The following FCHSD2 variants were observed in gnomAD, a reference collection of about 807,000 sequenced individuals.
FCHSD2 encodes the protein FCH and double SH3 domains 2.
Under a neutral mutation model 108.1 loss-of-function variants are expected in FCHSD2, and 38 were observed. The ratio of observed to expected loss-of-function variants is 0.35; its 90% CI spans 0.27 to 0.46. The LOEUF (loss-of-function observed/expected upper bound fraction) is 0.46, where lower values mean the gene tolerates loss of function less well. FCHSD2 is among the 20% of genes least tolerant of loss of function. The pLI is 1.00. For missense variants in FCHSD2, 751 were observed against 897.8 expected, an observed-to-expected ratio of 0.84 and a Z score of 2.09; for synonymous variants, 279 against 314.7, an observed-to-expected ratio of 0.89 and a Z score of 1.20.
intron 9 of FCHSD2, among the ~76,000 whole-genome samples, chr11:72,912,920 AAC>A (rs1367147824): frequency 6.6e-6 from 1 of 152,180 alleles, no homozygotes; most frequent in Non-Finnish European, 1.5e-5. Context: ...TATAAAGAAA[AAC>A]AGTTTAATTG....
At chr11:72,845,862 T>G (rs181035671) in intron 14 of FCHSD2, among the ~76,000 whole-genome samples, 26 of 152,304 alleles carry the variant, frequency 1.7e-4, no homozygotes, top group African/African-American at 6.3e-4. Flanking sequence ...AACCTCAGTT[T>G]TCTTTTTTCG....
intron 3 of FCHSD2, among the ~76,000 whole-genome samples, chr11:73,063,130 T>G (rs1028224313): frequency 2.0e-5 from 3 of 152,132 alleles, no homozygotes; most frequent in East Asian, 1.9e-4. Context: ...TGGGGGCCAA[T>G]AGTCAACATT....
chr11:73,027,815 T>TGCTCCA (rs2135447392), intron 3 of FCHSD2, among the ~76,000 whole-genome samples: 2 of 152,352 alleles, frequency 1.3e-5, no homozygotes, highest in African/African-American at 4.8e-5. Context: ...GCACCCCAGC[T>TGCTCCA]GCTCCAGCTC....
chr11:72,856,820 C>T (rs1437190875), intron 13 of FCHSD2, among the ~76,000 whole-genome samples: 2 of 152,144 alleles, frequency 1.3e-5, no homozygotes, highest in South Asian at 2.1e-4. Context: ...GGCATTGTGC[C>T]ACATAAAAGA....
chr11:72,956,898 ACAG>A (rs1856721873), intron 8 of FCHSD2, among the ~76,000 whole-genome samples: 3 of 152,008 alleles, frequency 2.0e-5, no homozygotes, highest in Admixed American at 6.6e-5. Context: ...CAGGGGTGAG[ACAG>A]TTTGACATCA....
chr11:73,034,388 A>C (rs1000518275), intron 3 of FCHSD2, among the ~76,000 whole-genome samples: 1 of 152,238 alleles, frequency 6.6e-6, no homozygotes, highest in Non-Finnish European at 1.5e-5. Flanking sequence ...GGTAGCACAC[A>C]AACATGCAAA....
Position 73,142,165 on chromosome 11 carries a change from G to C in FCHSD2, c.-288C>G, listed in dbSNP as rs1327348128. The C allele has an allele frequency of 4.1e-6, 1 of 246,352 alleles. No individual in the cohort carries two copies. The allele number at this position is 246,352 out of a possible 1,614,324, so 15.3% of individuals were successfully genotyped here. A position where few individuals can be genotyped will look rare whatever the true frequency, so the allele number is the denominator to read the frequency against. On this transcript the variant is annotated 5_prime_UTR_variant, in exon 1 of 20. Transcript: ENST00000409418. ...GGAGGCGGAGACGGCGAGGGGGCGG[G>C]GGCCCCAGGAGCAGGGGCGCGAGGG...
chr11:72,939,011 G>A (rs1006500740), intron 8 of FCHSD2, among the ~76,000 whole-genome samples: 3 of 152,142 alleles, frequency 2.0e-5, no homozygotes, highest in Non-Finnish European at 2.9e-5. Flanking sequence ...AACATGTAAT[G>A]CAGGATATTT....
chr11:72,948,394 G>T (rs577603257), intron 8 of FCHSD2, among the ~76,000 whole-genome samples: 2 of 152,018 alleles, frequency 1.3e-5, no homozygotes, highest in African/African-American at 2.4e-5. Context: ...CAACATTTTA[G>T]TTGCTTTCCA....
chr11:73,100,684 T>TC (rs988202149), intron 2 of FCHSD2, among the ~76,000 whole-genome samples: 78 of 152,172 alleles, frequency 5.1e-4, no homozygotes, highest in African/African-American at 1.9e-3. Context: ...TATCTAATCT[T>TC]CCTATGACAG....
intron 14 of FCHSD2, 192 bp from the exon 15 acceptor site, chr11:72,843,724 C>T: frequency 1.7e-6 from 1 of 572,380 alleles, no homozygotes; most frequent in Non-Finnish European, 3.1e-6. Flanking sequence ...CAGAATAAAA[C>T]CATAACAAAA....
chr11:73,100,670 A>G (rs1860202022), intron 2 of FCHSD2, among the ~76,000 whole-genome samples: 1 of 152,056 alleles, frequency 6.6e-6, no homozygotes, highest in Admixed American at 6.6e-5. Flanking sequence ...GCCTACATAC[A>G]TTTTATCTAA....
intron 8 of FCHSD2, among the ~76,000 whole-genome samples, chr11:72,929,766 T>G (rs930571357): frequency 6.6e-6 from 1 of 152,168 alleles, no homozygotes; most frequent in Non-Finnish European, 1.5e-5. Flanking sequence ...TGAAAACAAT[T>G]TTTACAAACT....
chr11:73,099,942 C>T (rs573220087), intron 2 of FCHSD2, among the ~76,000 whole-genome samples: 27 of 152,320 alleles, frequency 1.8e-4, no homozygotes, highest in South Asian at 6.2e-4. Context: ...AGGCCTTTCC[C>T]GAGCTCTAAG....
intron 3 of FCHSD2, among the ~76,000 whole-genome samples, chr11:73,053,145 C>CT (rs771262833): frequency 0.024 from 2,513 of 102,738 alleles, 26 homozygotes; most frequent in East Asian, 0.037. Context: ...TGCACCCAGC[C>CT]TTTTTTTTTT....
chr11:73,048,209 T>C (rs145578424), intron 3 of FCHSD2, among the ~76,000 whole-genome samples: 46 of 152,322 alleles, frequency 3.0e-4, no homozygotes, highest in African/African-American at 9.4e-4. Flanking sequence ...AGGATATTTC[T>C]GTATATCCTG....
At chr11:73,001,880 C>G (rs1285970282) in intron 4 of FCHSD2, among the ~76,000 whole-genome samples, 1 of 152,122 alleles carries the variant, frequency 6.6e-6, no homozygotes, top group East Asian at 1.9e-4. Flanking sequence ...ATTATTAATC[C>G]TTTGCTTTTT....
rs142064444 is a variant in FCHSD2 at position 72,880,203 on chromosome 11, G to A, written c.1146+7267C>T. 3.1e-3 allele frequency among the ~76,000 whole-genome samples: 470 copies of A among 151,754 alleles called. 5 individuals are homozygous for A. Among genetic ancestry groups the A allele is most frequent in the African/African-American group, 0.011 (441 of 41,390 alleles). On this transcript the variant is annotated intron_variant, in intron 12 of 19. Coordinates refer to ENST00000409418, the MANE Select transcript of FCHSD2 (RefSeq NM_014824.3). Reference sequence around the variant, plus strand: ...AACACTGATGAAAGAAATTGAAGAGGACAAAAACGAATCCATGTGCAATTG... The same window carrying A: ...AACACTGATGAAAGAAATTGAAGAGAACAAAAACGAATCCATGTGCAATTG...
chr11:73,132,201 T>C (rs768842076), intron 2 of FCHSD2, among the ~76,000 whole-genome samples: 3 of 152,250 alleles, frequency 2.0e-5, no homozygotes, highest in Admixed American at 2.0e-4. Context: ...GTGCTTCTTA[T>C]AATTCATGAA....
Sources: allele counts gnomAD v4.1 joint callset (sites outside exome capture counted in the v4.1 genomes callset), GRCh38; gene constraint gnomAD v4.1.1; transcripts MANE v1.5; gene names NCBI Gene and HGNC (gene_info 2026-07-23, HGNC 2026-07-21).